IL17RE: variants seen among roughly 807,000 people sequenced by gnomAD.
The protein encoded by IL17RE is interleukin-17 receptor E.
A neutral mutation model predicts 70.7 loss-of-function variants in IL17RE; 47 were observed. The ratio of observed to expected loss-of-function variants is 0.67; its 90% CI spans 0.53 to 0.85. The LOEUF (loss-of-function observed/expected upper bound fraction) is 0.85, where lower values mean the gene tolerates loss of function less well. IL17RE is among the 40% of genes least tolerant of loss of function. The pLI is 0.00. For synonymous variants in IL17RE, 372 were observed against 381.2 expected (o/e 0.98, Z 0.28); for missense variants, 850 against 893.9 (o/e 0.95, Z 0.63).
Position 9,903,404 on chromosome 3 carries a change from G to C in IL17RE, c.140G>C (p.Ser47Thr). 1 of 1,614,096 alleles carries C rather than the reference G, an allele frequency of 6.2e-7. No homozygotes were observed. Among genetic ancestry groups the C allele is most frequent in the Non-Finnish European group, 8.5e-7 (1 of 1,179,992 alleles). Residue 47 changes from serine to threonine, a missense_variant, in exon 2 of 16, where the codon AGT becomes ACT. By Grantham distance (58) the Ser-to-Thr change is moderately conservative. Coordinates refer to ENST00000383814, the MANE Select transcript of IL17RE (RefSeq NM_153480.2). ...RCPLASHTDDSFTGSSAYIPC... is the reference protein window; with the variant it reads ...RCPLASHTDDTFTGSSAYIPC... ...CTGGGCCCTGTGCCTCAGGATGACA[G>C]TTTCACTGGTGAGTCGCATTTCCTG...
At chr3:9,914,654 C>G (rs374219441) in intron 14 of IL17RE, 25 bp from the exon 15 acceptor site, 1 of 1,613,238 alleles carries the variant, frequency 6.2e-7, no homozygotes, top group African/African-American at 1.3e-5. Flanking sequence ...AGGAACTGGG[C>G]TTGGCCTCAT....
intron 7 of IL17RE, 57 bp from the exon 8 acceptor site, chr3:9,909,160 G>T: frequency 7.1e-7 from 1 of 1,416,818 alleles, no homozygotes; most frequent in Non-Finnish European, 9.9e-7. Context: ...TTTTAGGTCT[G>T]AGTGAGATTG....
At chr3:9,914,853 T>G in intron 15 of IL17RE, 76 bp downstream of exon 15, 1 of 1,212,376 alleles carries the variant, frequency 8.2e-7, no homozygotes, top group Non-Finnish European at 1.2e-6. Flanking sequence ...CCCTCCCCTG[T>G]CTGAGCTCTC....
intron 1 of IL17RE, 113 bp downstream of exon 1, chr3:9,903,177 A>T (rs2082676422): frequency 1.9e-6 from 2 of 1,074,008 alleles, no homozygotes; most frequent in South Asian, 2.8e-5. Flanking sequence ...GGCAGCTTTG[A>T]TGTGTCCTCT....
rs1365824598 is a variant in IL17RE, at chr3:9,908,255, G to T, written c.683G>T (p.Gly228Val). The stretch of plus-strand genomic sequence containing the variant: ...CATCCACAGAAAATTGTGTCTGGGG[G>T]CCACACTGTAGAGCTGCCTTATGAA... The part of the protein sequence containing the change: ...PYDVQKIVSG[G>V]HTVELPYEFL... Residue 228 changes from glycine (G) to valine (V), a missense_variant, in exon 7 of 16, where the codon GGC becomes GTC. By Grantham distance (109) the Gly-to-Val change is moderately radical. Coordinates refer to ENST00000383814, the MANE Select transcript of IL17RE (RefSeq NM_153480.2). 1.2e-6 allele frequency: 2 copies of T among 1,614,106 alleles called. No homozygotes were observed. The highest frequency in any genetic ancestry group is 1.7e-6 in the Non-Finnish European group (2 of 1,180,000).
intron 6 of IL17RE, 79 bp from the exon 7 acceptor site, chr3:9,908,160 C>A (rs1197983308): frequency 8.4e-7 from 1 of 1,197,598 alleles, no homozygotes; most frequent in African/African-American, 1.5e-5. Flanking sequence ...GCCAAGATCC[C>A]AGCACTGTTC....
chr3:9,915,771 C>G lies in IL17RE; in HGVS notation c.1968C>G (p.Leu656=). The G allele has an allele frequency of 6.5e-7, 1 of 1,530,722 alleles. No homozygotes were observed. The allele number at this position is 1,530,722 out of a possible 1,614,324, so 94.8% of individuals were successfully genotyped here. ...RQSRLELCSR[L]EREAARLADL... is the part of the protein sequence containing the mutation. Reference sequence around the variant, plus strand: ...GCCGCCTAGAGCTGTGCAGCCGGCTCGAACGAGAGGCCGCCCGACTTGCAG... The same window carrying G: ...GCCGCCTAGAGCTGTGCAGCCGGCTGGAACGAGAGGCCGCCCGACTTGCAG... Residue 656 remains leucine (L), a synonymous_variant, in exon 16 of 16, where the codon CTC becomes CTG. Transcript: ENST00000383814. This position sits in a 1 kb window ranked among gnomAD's most constrained non-coding sequence, Gnocchi z 4.9.
At chr3:9,907,999 G>A (rs1003335064) in intron 6 of IL17RE, among the ~76,000 whole-genome samples, 1 of 152,076 alleles carries the variant, frequency 6.6e-6, no homozygotes, top group Non-Finnish European at 1.5e-5. Context: ...CATATAGTAG[G>A]GCCTCAATAA....
intron 13 of IL17RE, 100 bp from the exon 14 acceptor site, chr3:9,914,448 G>A (rs760225623): frequency 7.1e-6 from 11 of 1,559,576 alleles, no homozygotes; most frequent in Non-Finnish European, 6.9e-6. Flanking sequence ...GAATTCCCTA[G>A]CCAGTGGGGA....
intron 3 of IL17RE, among the ~76,000 whole-genome samples, chr3:9,904,875 C>T (rs1478661980): frequency 1.3e-5 from 2 of 152,132 alleles, no homozygotes; most frequent in Admixed American, 1.3e-4. Context: ...GGGTGGATCG[C>T]TTGAGTCCTG....
Position 9,915,111 on chromosome 3 carries a change from G to A in IL17RE, c.1448-140G>A. 8.2e-7 allele frequency: 1 copy of A among 1,223,444 alleles called. No homozygotes were observed. The highest frequency in any genetic ancestry group is 3.1e-5 in the East Asian group (1 of 32,690). The allele number at this position is 1,223,444 out of a possible 1,614,324, so 75.8% of individuals were successfully genotyped here. ...CACCCTATAGGCTAGGGCTGTTTTC[G>A]GTACCAACCCCCAGAGCAAATAAGG... On this transcript the variant is annotated intron_variant, in intron 15 of 15. Coordinates refer to ENST00000383814, the MANE Select transcript of IL17RE (RefSeq NM_153480.2). This position sits in a 1 kb window ranked among gnomAD's most constrained non-coding sequence, Gnocchi z 4.9.
chr3:9,914,744 G>T lies in IL17RE; in HGVS notation c.1414G>T (p.Val472Phe). The change falls in exon 15 of 16, where the codon GTT becomes TTT. Residue 472 changes from valine (V) to phenylalanine (F), a missense_variant. Physicochemically the swap from Val to Phe is conservative, Grantham distance 50. Transcript: ENST00000383814. ...GGCCCTCCTCACCCTACTGGGTGTT[G>T]TTCTGGCCCTCACCTGCCGGCGCCC... The part of the protein sequence containing the change: ...LLALLTLLGV[V>F]LALTCRRPQS... The T allele has an allele frequency of 3.7e-6, 6 of 1,614,032 alleles. No individual in the cohort carries two copies. In the South Asian group the frequency reaches 4.4e-5, roughly 12 times the overall value.
intron 3 of IL17RE, among the ~76,000 whole-genome samples, chr3:9,904,383 T>C (rs563846276): frequency 1.3e-5 from 2 of 152,366 alleles, no homozygotes; most frequent in South Asian, 4.1e-4. Flanking sequence ...TATGGATTTA[T>C]TGTTATTACC....
chr3:9,915,611 T>C lies in IL17RE; in HGVS notation c.1808T>C (p.Ile603Thr), dbSNP rs1018357864. 6 of 1,413,822 alleles carry C rather than the reference T, an allele frequency of 4.2e-6. No homozygotes were observed. The highest frequency in any genetic ancestry group is 1.5e-5 in the South Asian group (1 of 68,182). 87.6% of individuals were successfully genotyped at this position (1,413,822 alleles called of 1,614,324 possible). The part of the protein sequence containing the change: ...YFSRLCAKGD[I>T]PPPLRALPRY... ...AGTCGCCTCTGCGCCAAGGGCGACA[T>C]CCCCCCGCCGCTGCGCGCCCTGCCG... The change falls in exon 16 of 16, where the codon ATC becomes ACC. Residue 603 changes from isoleucine to threonine, a missense_variant. Physicochemically the swap from Ile to Thr is moderately conservative, Grantham distance 89. Coordinates refer to ENST00000383814, the MANE Select transcript of IL17RE (RefSeq NM_153480.2). The surrounding 1 kb of genome is among the most constrained non-coding windows in gnomAD (Gnocchi z 4.9).
rs774610210 is a variant in IL17RE at position 9,906,471 on chromosome 3, C to G, written c.366+10C>G. 8.8e-6 allele frequency: 14 copies of G among 1,589,546 alleles called. No individual in the cohort carries two copies. Among genetic ancestry groups the G allele is most frequent in the Admixed American group, 1.7e-5 (1 of 59,960 alleles). ...GCCAGCACCTGCTCAGGTACTCTCC[C>G]TGTCAGTTCCAGCCCTACCTGACGC... On this transcript the variant is annotated intron_variant, in intron 4 of 15. Coordinates refer to ENST00000383814, the MANE Select transcript of IL17RE (RefSeq NM_153480.2).
At chr3:9,914,078 GT>G in intron 13 of IL17RE, 54 bp downstream of exon 13, 7 of 1,376,526 alleles carry the variant, frequency 5.1e-6, no homozygotes, top group Middle Eastern at 3.6e-4. Flanking sequence ...TGCTCCCCTA[GT>G]GGCACCCACC....
intron 7 of IL17RE, among the ~76,000 whole-genome samples, 188 bp from the exon 8 acceptor site, chr3:9,909,029 C>T (rs974834231): frequency 6.6e-6 from 1 of 152,142 alleles, no homozygotes; most frequent in Admixed American, 6.5e-5. Flanking sequence ...TTGCTTATCC[C>T]TCTCCTATGC....
chr3:9,902,438 A>G (rs2082660315), upstream of IL17RE, among the ~76,000 whole-genome samples: 1 of 152,152 alleles, frequency 6.6e-6, no homozygotes, highest in African/African-American at 2.4e-5. Flanking sequence ...TCCCCACTCT[A>G]AATGGTGCCT....
At position 9,913,928 on chromosome 3, in the gene IL17RE, A is replaced by G. The variant is rs775414207; in HGVS notation, c.1228-28A>G. ...CAGGGCCAGATTCACCTCCCTGGGG[A>G]CAGCCTTTCTGCTCTTTGTTTCTAC... is the stretch of plus-strand genomic sequence containing the variant. On this transcript the variant is annotated intron_variant, in intron 12 of 15. Transcript: ENST00000383814. 6 of 1,594,984 alleles carry G rather than the reference A, an allele frequency of 3.8e-6. No individual in the cohort carries two copies. The Admixed American group carries it at 6.7e-5, about 18-fold the overall frequency.
Sources: allele counts gnomAD v4.1 joint callset (sites outside exome capture counted in the v4.1 genomes callset), GRCh38; gene constraint gnomAD v4.1.1; non-coding constraint Gnocchi (gnomAD v3.1); transcripts MANE v1.5; gene names NCBI Gene and HGNC (gene_info 2026-07-23, HGNC 2026-07-21).